Variants in RYR3 observed in about 807,000 individuals in gnomAD.
The protein encoded by RYR3 is brain ryanodine receptor-calcium release channel.
A neutral mutation model predicts 584.3 loss-of-function variants in RYR3; 207 were observed. That is an observed-to-expected ratio of 0.35 (90% CI 0.32 to 0.40). The LOEUF is 0.40. RYR3 is among the 10% of genes least tolerant of loss of function. RYR3 has a pLI of 1.00. For missense variants in RYR3, 5,616 were observed against 6,089.2 expected, an observed-to-expected ratio of 0.92 and a Z score of 2.59; for synonymous variants, 2,416 against 2,248.5, an observed-to-expected ratio of 1.07 and a Z score of -2.11.
intron 76 of RYR3, among the ~76,000 whole-genome samples, chr15:33,818,894 C>T (rs143359685): frequency 1.1e-3 from 174 of 152,302 alleles, no homozygotes; most frequent in African/African-American, 4.1e-3. Context: ...GAAGCCAAGG[C>T]GGGCGGACCA....
At position 33,583,788 on chromosome 15, in the gene RYR3, G is replaced by A. The variant is rs181773612; in HGVS notation, c.1574-607G>A. ...ATATTTACGCCAGGCATGGTAGCTC[G>A]CTCCTGTAATCCCAGCACTTTGGGA... On this transcript the variant is annotated intron_variant, in intron 14 of 103. Transcript: ENST00000634891. 1.1e-4 allele frequency among the ~76,000 whole-genome samples: 16 copies of A among 152,154 alleles called. No homozygotes were observed. In the East Asian group the frequency reaches 2.9e-3, roughly 28 times the overall value.
intron 29 of RYR3, 101 bp downstream of exon 29, chr15:33,646,627 G>A: frequency 4.7e-6 from 5 of 1,064,980 alleles, no homozygotes; most frequent in East Asian, 2.4e-5. Flanking sequence ...TCCACTGATA[G>A]GGTTCTCTCT....
intron 5 of RYR3, among the ~76,000 whole-genome samples, chr15:33,536,364 A>T (rs1445280078): frequency 6.6e-6 from 1 of 152,206 alleles, no homozygotes; most frequent in Non-Finnish European, 1.5e-5. Context: ...GGGTAAAATT[A>T]CTTATTCTGG....
chr15:33,510,222 C>T (rs1379358542), intron 3 of RYR3, among the ~76,000 whole-genome samples: 6 of 152,142 alleles, frequency 3.9e-5, no homozygotes, highest in African/African-American at 1.4e-4. Context: ...CTTAATAATG[C>T]CACCAACTGG....
Position 33,837,818 on chromosome 15 carries a change from G to T in RYR3, c.11838G>T (p.Lys3946Asn), listed in dbSNP as rs1319476449. The T allele has an allele frequency of 1.2e-5, 19 of 1,613,970 alleles. No homozygotes were observed. Among genetic ancestry groups the T allele is most frequent in the Non-Finnish European group, 1.6e-5 (19 of 1,179,880 alleles). The change falls in exon 89 of 104, where the codon AAG (lysine) becomes AAT (asparagine). Residue 3946 changes from lysine to asparagine, a missense_variant. Transcript: ENST00000634891. ...TTATCTCCAAAAAAGAATTCCAGAA[G>T]GCCATGGAAGGGCAAAAACAGTACA... ...KGIISKKEFQ[K>N]AMEGQKQYTQ...
chr15:33,521,159 T>C (rs914401946), intron 3 of RYR3, among the ~76,000 whole-genome samples: 2 of 152,160 alleles, frequency 1.3e-5, no homozygotes, highest in African/African-American at 4.8e-5. Flanking sequence ...GCATCTCGTT[T>C]GCAGTCTCCA....
At chr15:33,312,170 C>G (rs74322952) in intron 1 of RYR3, among the ~76,000 whole-genome samples, 2,831 of 152,318 alleles carry the variant, frequency 0.019, 86 homozygotes, top group African/African-American at 0.065. Context: ...GCCTTGCTCT[C>G]AGGAATTAGA....
intron 16 of RYR3, among the ~76,000 whole-genome samples, chr15:33,594,833 C>T (rs949257573): frequency 3.9e-5 from 6 of 152,058 alleles, no homozygotes; most frequent in East Asian, 1.9e-4. Flanking sequence ...CTCTGTGGCA[C>T]GCAATAATTT....
At chr15:33,421,800 T>C (rs989304056) in intron 1 of RYR3, among the ~76,000 whole-genome samples, 7 of 152,190 alleles carry the variant, frequency 4.6e-5, no homozygotes, top group African/African-American at 1.4e-4. Flanking sequence ...CAGTTCCATC[T>C]GTTAGGTAGA....
chr15:33,838,179 C>A lies in RYR3; in HGVS notation c.12199C>A (p.Gln4067Lys), dbSNP rs748228039. 6.2e-7 allele frequency: 1 copy of A among 1,613,942 alleles called. No homozygotes were observed. The highest frequency in any genetic ancestry group is 8.5e-7 in the Non-Finnish European group (1 of 1,179,876). ...EKPQVKESKR[Q>K]FIFDVVNEGG... ...GCCCCAGGTGAAGGAATCTAAGCGACAGTTCATTTTTGATGTTGTCAATGA... is the reference window on the plus strand; with the variant it reads ...GCCCCAGGTGAAGGAATCTAAGCGAAAGTTCATTTTTGATGTTGTCAATGA... The change falls in exon 89 of 104, where the codon CAG becomes AAG. Residue 4067 changes from glutamine to lysine, a missense_variant. Coordinates refer to ENST00000634891, the MANE Select transcript of RYR3 (RefSeq NM_001036.6).
At chr15:33,566,085 C>A (rs2057700434) in intron 11 of RYR3, among the ~76,000 whole-genome samples, 1 of 152,166 alleles carries the variant, frequency 6.6e-6, no homozygotes, top group Admixed American at 6.5e-5. Context: ...TGGTAAGTGG[C>A]ATAGCAGGAC....
At chr15:33,351,953 A>T (rs770553557) in intron 1 of RYR3, among the ~76,000 whole-genome samples, 14 of 152,196 alleles carry the variant, frequency 9.2e-5, no homozygotes, top group East Asian at 1.9e-4. Flanking sequence ...TCAATTAGGA[A>T]AAAGAAGTCA....
intron 2 of RYR3, among the ~76,000 whole-genome samples, chr15:33,497,814 T>G (rs2051573676): frequency 6.6e-6 from 1 of 152,162 alleles, no homozygotes; most frequent in Non-Finnish European, 1.5e-5. Flanking sequence ...AACACTAGAA[T>G]TTATTATTCC....
At chr15:33,529,792 C>T (rs1241445503) in intron 3 of RYR3, among the ~76,000 whole-genome samples, 3 of 152,168 alleles carry the variant, frequency 2.0e-5, no homozygotes, top group Non-Finnish European at 4.4e-5. Flanking sequence ...GACCTACTCA[C>T]CTCTAACTAT....
intron 1 of RYR3, among the ~76,000 whole-genome samples, chr15:33,435,893 G>A (rs1015000062): frequency 1.2e-4 from 19 of 152,320 alleles, no homozygotes; most frequent in African/African-American, 4.6e-4. Context: ...ACTACTGGCT[G>A]GGGTGGCAGC....
At chr15:33,360,189 A>G (rs181594693) in intron 1 of RYR3, among the ~76,000 whole-genome samples, 5 of 152,300 alleles carry the variant, frequency 3.3e-5, no homozygotes, top group Non-Finnish European at 7.4e-5. Context: ...ATTCAAATGA[A>G]TCATTTGACA....
At chr15:33,706,876 T>A in intron 42 of RYR3, 43 bp from the exon 43 acceptor site, 1 of 1,550,462 alleles carries the variant, frequency 6.4e-7, no homozygotes, top group Non-Finnish European at 8.7e-7. Flanking sequence ...TTAATAGCCA[T>A]CCTAATGCGT....
At chr15:33,780,414 C>G (rs762662451) in intron 65 of RYR3, 73 bp downstream of exon 65, 1 of 1,509,184 alleles carries the variant, frequency 6.6e-7, no homozygotes, top group Non-Finnish European at 9.1e-7. Flanking sequence ...AGGCAGGGAG[C>G]AGCAGCCCTG....
In RYR3 at chr15:33,339,491, C is replaced by T. The variant is rs114220092; in HGVS notation, c.51+28395C>T. Reference sequence around the variant, plus strand: ...GGATTTGAAAGATATTTCACATGAACGGGATTGGGTGCTGCCTAGTGGATA... The same window carrying T: ...GGATTTGAAAGATATTTCACATGAATGGGATTGGGTGCTGCCTAGTGGATA... On this transcript the variant is annotated intron_variant, in intron 1 of 103. Coordinates refer to ENST00000634891, the MANE Select transcript of RYR3 (RefSeq NM_001036.6). Among the ~76,000 whole-genome samples the T allele has an allele frequency of 5.7e-3, 871 of 152,242 alleles. 7 individuals are homozygous for T. Among genetic ancestry groups the T allele is most frequent in the African/African-American group, 0.02 (826 of 41,540 alleles).
Sources: gnomAD v4.1 joint callset for allele counts (sites outside exome capture counted in the v4.1 genomes callset) on GRCh38, gnomAD v4.1.1 for gene constraint, MANE v1.5 for transcripts, NCBI Gene and HGNC (gene_info 2026-07-23, HGNC 2026-07-21) for gene names.